CYB5R3: variants seen among roughly 807,000 people sequenced by gnomAD.
CYB5R3 encodes cytochrome b5 reductase 3.
A neutral mutation model predicts 36.5 loss-of-function variants in CYB5R3; 28 were observed. The ratio of observed to expected loss-of-function variants is 0.77; its 90% CI spans 0.57 to 1.05. The LOEUF is 1.05. Ranked by LOEUF, CYB5R3 falls within the 50% of genes least tolerant of loss-of-function variation. The pLI is 0.00. For missense variants in CYB5R3, 474 were observed against 408.9 expected (o/e 1.16, Z -1.37); for synonymous variants, 181 against 159.8 (o/e 1.13, Z -1.00).
chr22:42,640,243 T>C, intron 1 of CYB5R3: 1 of 1,580,624 alleles, frequency 6.3e-7, no homozygotes, highest in Non-Finnish European at 8.6e-7. Flanking sequence ...TGCTGGGGTC[T>C]TCTCCACAAG....
intron 2 of CYB5R3, chr22:42,631,717 T>C: frequency 3.6e-6 from 2 of 555,624 alleles, no homozygotes; most frequent in South Asian, 4.1e-5. Context: ...GAACAGGGAA[T>C]GAACCCAGGG....
chr22:42,621,391 T>C (rs1488006231), intron 8 of CYB5R3, among the ~76,000 whole-genome samples: 1 of 152,186 alleles, frequency 6.6e-6, no homozygotes, highest in Admixed American at 6.5e-5. Flanking sequence ...TTAATGTATT[T>C]TTCCCTGTAC....
intron 8 of CYB5R3, among the ~76,000 whole-genome samples, chr22:42,623,401 T>C (rs1419855075): frequency 2.0e-5 from 3 of 152,162 alleles, no homozygotes; most frequent in Non-Finnish European, 2.9e-5. Flanking sequence ...GGCCTTGGTG[T>C]AACTCGGCAG....
intron 1 of CYB5R3, among the ~76,000 whole-genome samples, chr22:42,641,078 A>G (rs6002841): frequency 0.017 from 2,518 of 151,798 alleles, 67 homozygotes; most frequent in African/African-American, 0.058. Context: ...GCTGGTCTTG[A>G]AGTCCTGACC....
intron 1 of CYB5R3, among the ~76,000 whole-genome samples, chr22:42,643,302 G>A (rs1190702037): frequency 1.3e-5 from 2 of 152,172 alleles, no homozygotes; most frequent in South Asian, 4.1e-4. Context: ...GGTCACGTAG[G>A]GGTCTATAAC....
rs552568290 is a variant in CYB5R3 at position 42,639,636 on chromosome 22, A to G, written c.22-2790T>C. Among the ~76,000 whole-genome samples the G allele has an allele frequency of 2.6e-4, 40 of 152,016 alleles. No homozygotes were observed. In the South Asian group the frequency reaches 8.3e-3, roughly 32 times the overall value. ...AGAGCCAAGACTCCATCTCAAAAAA[A>G]AAAAATTGAATAAGGCTTGTGGATT... On this transcript the variant is annotated intron_variant, in intron 1 of 8. Coordinates refer to ENST00000352397, the MANE Select transcript of CYB5R3 (RefSeq NM_000398.7).
In CYB5R3 at chr22:42,619,876, T is replaced by A; in HGVS notation, c.803A>T (p.Glu268Val). 1.9e-6 allele frequency: 3 copies of A among 1,608,168 alleles called. No individual in the cohort carries two copies. Among genetic ancestry groups the A allele is most frequent in the Non-Finnish European group, 2.5e-6 (3 of 1,177,622 alleles). Reference sequence around the variant, plus strand: ...GGGGCCACACATCAGCACCAGCGGCTCCTCCTCTGGGGGTGGAAGGTGGTC... The same window carrying A: ...GGGGCCACACATCAGCACCAGCGGCACCTCCTCTGGGGGTGGAAGGTGGTC... Reference protein sequence around the residue: ...IRDHLPPPEEEPLVLMCGPPP... With the variant: ...IRDHLPPPEEVPLVLMCGPPP... The change falls in exon 9 of 9, where the codon GAG (glutamate) becomes GTG (valine). Residue 268 changes from glutamate to valine, a missense_variant. Glu to Val is a moderately radical substitution (Grantham distance 121). Transcript: ENST00000352397.
intron 1 of CYB5R3, chr22:42,639,843 C>CT (rs59947151): frequency 0.028 from 28,534 of 1,004,312 alleles, 122 homozygotes; most frequent in African/African-American, 0.075. Context: ...GCTTGATTCA[C>CT]TTTTTTTTTT....
intron 8 of CYB5R3, among the ~76,000 whole-genome samples, chr22:42,621,359 G>A (rs895449063): frequency 6.6e-6 from 1 of 152,188 alleles, no homozygotes; most frequent in East Asian, 1.9e-4. Flanking sequence ...TGGGACTACA[G>A]GTGCATGCCA....
chr22:42,645,721 C>G (rs1307224091), intron 1 of CYB5R3, among the ~76,000 whole-genome samples: 1 of 152,192 alleles, frequency 6.6e-6, no homozygotes, highest in Non-Finnish European at 1.5e-5. Context: ...GAAACCAAGC[C>G]TCAGGGGACA....
intron 4 of CYB5R3, among the ~76,000 whole-genome samples, chr22:42,630,541 C>T (rs1047830710): frequency 1.3e-5 from 2 of 152,230 alleles, no homozygotes; most frequent in African/African-American, 4.8e-5. Context: ...GCTGCAGGTA[C>T]CTGTCCTTGT....
chr22:42,649,349 C>A lies in CYB5R3; in HGVS notation c.-34G>T. 21 of 896,018 alleles carry A rather than the reference C, an allele frequency of 2.3e-5. No individual in the cohort carries two copies. Among genetic ancestry groups the A allele is most frequent in the South Asian group, 3.9e-5 (1 of 25,646 alleles). The allele number at this position is 896,018 out of a possible 1,614,324, so 55.5% of individuals were successfully genotyped here. ...CGCGCCGCGCTCGCTCTGTCGCCGC[C>A]GCCGCCGCCGCCGAGACCGTCGCGC... is the stretch of plus-strand genomic sequence containing the variant. On this transcript the variant is annotated 5_prime_UTR_variant, in exon 1 of 9. Transcript: ENST00000352397.
chr22:42,646,990 G>A (rs1176730748), intron 1 of CYB5R3: 2 of 985,306 alleles, frequency 2.0e-6, no homozygotes. Flanking sequence ...CAGTGTGGCT[G>A]GCAGACTCCA....
intron 2 of CYB5R3, among the ~76,000 whole-genome samples, chr22:42,633,747 C>T (rs1928737530): frequency 6.6e-6 from 1 of 152,194 alleles, no homozygotes; most frequent in South Asian, 2.1e-4. Flanking sequence ...TGTGCCATTG[C>T]ACTCCAGCCT....
chr22:42,644,696 G>C, intron 1 of CYB5R3: 1 of 983,172 alleles, frequency 1.0e-6, no homozygotes, highest in Non-Finnish European at 1.2e-6. Context: ...GTGGAATAGA[G>C]TCTAGGGAAA....
chr22:42,625,934 A>C (rs1436342665), intron 7 of CYB5R3, among the ~76,000 whole-genome samples: 4 of 152,258 alleles, frequency 2.6e-5, no homozygotes, highest in Non-Finnish European at 5.9e-5. Flanking sequence ...AAACACAGGA[A>C]TCTAGCTGTC....
At position 42,644,385 on chromosome 22, in the gene CYB5R3, C is replaced by G. The variant is rs1356643970; in HGVS notation, c.21+4910G>C. The G allele has an allele frequency of 8.5e-6, 6 of 708,722 alleles. No individual in the cohort carries two copies. Among genetic ancestry groups the G allele is most frequent in the Non-Finnish European group, 1.5e-5 (6 of 389,106 alleles). 43.9% of individuals were successfully genotyped at this position (708,722 alleles called of 1,614,324 possible). A position where few individuals can be genotyped will look rare whatever the true frequency, so the allele number is the denominator to read the frequency against. On this transcript the variant is annotated intron_variant, in intron 1 of 8. Transcript: ENST00000352397. ...CCCTCTCTATGGCCCCAACTCTGGA[C>G]TCACCTCCCAGCTCTCTGCTCTTTC...
rs537437852 is a variant in CYB5R3 at position 42,631,629 on chromosome 22, C to T, written c.154-179G>A. The T allele has an allele frequency of 4.4e-5, 29 of 652,884 alleles. No homozygotes were observed. In the East Asian group the frequency reaches 4.6e-4, roughly 10 times the overall value. 40.4% of individuals were successfully genotyped at this position (652,884 alleles called of 1,614,324 possible). A position where few individuals can be genotyped will look rare whatever the true frequency, so the allele number is the denominator to read the frequency against. ...CACAGATGCACACACATGCACGCTG[C>T]GTGTGAGGTGCTGAGGCCAGGCGCA... On this transcript the variant is annotated intron_variant, in intron 2 of 8. Transcript: ENST00000352397.
intron 4 of CYB5R3, among the ~76,000 whole-genome samples, chr22:42,629,810 T>G (rs1454056487): frequency 6.6e-6 from 1 of 151,998 alleles, no homozygotes; most frequent in East Asian, 1.9e-4. Context: ...TTGTATTTCT[T>G]TTTTTTTGAC....
Sources: gnomAD v4.1 joint callset for allele counts (sites outside exome capture counted in the v4.1 genomes callset) on GRCh38, gnomAD v4.1.1 for gene constraint, MANE v1.5 for transcripts, NCBI Gene and HGNC (gene_info 2026-07-23, HGNC 2026-07-21) for gene names.